The following ELAC2 variants were observed in gnomAD, a reference collection of about 807,000 sequenced individuals.
ELAC2 encodes zinc phosphodiesterase ELAC protein 2.
Under a neutral mutation model 105.2 loss-of-function variants are expected in ELAC2, and 92 were observed. That is an observed-to-expected ratio of 0.87 (90% confidence interval 0.74 to 1.04). ELAC2 has a LOEUF of 1.04. Among genes scored for constraint, ELAC2 ranks in the 50% least tolerant of loss-of-function variants. The probability of loss-of-function intolerance (pLI) is 0.00; values close to 1 mark genes in which losing one functional copy is unlikely to be tolerated. For missense variants in ELAC2, 1,099 were observed against 1,071.7 expected, an observed-to-expected ratio of 1.03 and a Z score of -0.36; for synonymous variants, 468 against 409.1, an observed-to-expected ratio of 1.14 and a Z score of -1.74.
chr17:13,003,532 G>A lies in ELAC2; in HGVS notation c.1026C>T (p.His342=). The A allele has an allele frequency of 1.2e-6, 2 of 1,614,222 alleles. No homozygotes were observed. The highest frequency in any genetic ancestry group is 1.1e-5 in the South Asian group (1 of 91,086). ...CCACAAGCACAGATGCTGGGGCCAT[G>A]TGAACCACCAAGGCCACGGGGGCAT... ...KADAPVALVV[H]MAPASVLVDS... is the part of the protein sequence containing the mutation. Residue 342 remains histidine, a synonymous_variant, in exon 12 of 24, where the codon CAC becomes CAT. Transcript: ENST00000338034.
At chr17:13,012,797 A>G (rs1157614271) in intron 6 of ELAC2, among the ~76,000 whole-genome samples, 1 of 152,152 alleles carries the variant, frequency 6.6e-6, no homozygotes, top group Non-Finnish European at 1.5e-5. Context: ...AATTTGCAGG[A>G]GCTTCTAACC....
chr17:12,996,166 A>G lies in ELAC2; in HGVS notation c.1660-188T>C, dbSNP rs780059156. The G allele has an allele frequency of 1.2e-5, 9 of 731,246 alleles. No individual in the cohort carries two copies. In the African/African-American group the frequency reaches 1.4e-4, roughly 11 times the overall value. The allele number at this position is 731,246 out of a possible 1,614,324, so 45.3% of individuals were successfully genotyped here. ...TGGCCCTGAAATGTCACAGGCAGAA[A>G]GCGACACGACCCGTGCTGGGAAGAG... On this transcript the variant is annotated intron_variant, in intron 17 of 23. Coordinates refer to ENST00000338034, the MANE Select transcript of ELAC2 (RefSeq NM_018127.7).
At position 12,991,641 on chromosome 17, in the gene ELAC2, T is replaced by C. The variant is rs528879491; in HGVS notation, c.*1177A>G. The C allele has an allele frequency of 5.2e-6, 1 of 191,938 alleles. No homozygotes were observed. The highest frequency in any genetic ancestry group is 8.2e-5 in the East Asian group (1 of 12,148). The allele number at this position is 191,938 out of a possible 1,614,324, so 11.9% of individuals were successfully genotyped here. On this transcript the variant is annotated 3_prime_UTR_variant, in exon 24 of 24. Coordinates refer to ENST00000338034, the MANE Select transcript of ELAC2 (RefSeq NM_018127.7). ...GTTATTAAAATAGATTTATTATCCCTGAGCTTGGCATCTGTTCTTGCTTTA... is the reference window on the plus strand; with the variant it reads ...GTTATTAAAATAGATTTATTATCCCCGAGCTTGGCATCTGTTCTTGCTTTA...
chr17:13,002,755 CG>C, intron 12 of ELAC2, 176 bp from the exon 13 acceptor site: 1 of 1,001,998 alleles, frequency 1.0e-6, no homozygotes, highest in South Asian at 1.4e-5. Context: ...TCTCAAAGCC[CG>C]GTGTTCCCTA....
In ELAC2 at chr17:13,013,292, C is replaced by T. The variant is rs752916229; in HGVS notation, c.491-17G>A. 6.2e-7 allele frequency: 1 copy of T among 1,613,700 alleles called. No homozygotes were observed. The highest frequency in any genetic ancestry group is 1.1e-5 in the South Asian group (1 of 90,960). ...GCCGCACAGCTACAAGAAAACCACA[C>T]AACAGCAAAGTGATTGCATTAGTGA... On this transcript the variant is annotated splice_polypyrimidine_tract_variant and intron_variant, in intron 5 of 23. Coordinates refer to ENST00000338034, the MANE Select transcript of ELAC2 (RefSeq NM_018127.7).
In ELAC2 at chr17:13,011,898, T is replaced by C. The variant is rs1598262425; in HGVS notation, c.560-116A>G. ...CCAATTAAATCAGCACACCTTTTACTATACAGTAGGAAATAACTAGTTAGT... is the reference window on the plus strand; with the variant it reads ...CCAATTAAATCAGCACACCTTTTACCATACAGTAGGAAATAACTAGTTAGT... On this transcript the variant is annotated intron_variant, in intron 6 of 23. Transcript: ENST00000338034. 8 of 1,503,164 alleles carry C rather than the reference T, an allele frequency of 5.3e-6. No homozygotes were observed. The South Asian group carries it at 8.1e-5, about 15-fold the overall frequency. The allele number at this position is 1,503,164 out of a possible 1,614,324, so 93.1% of individuals were successfully genotyped here.
rs769647706 is a variant in ELAC2 at position 13,003,550 on chromosome 17, G to A, written c.1008C>T (p.Pro336=). The change falls in exon 12 of 24, where the codon CCC becomes CCT. Residue 336 remains proline (P), a synonymous_variant. Transcript: ENST00000338034. ...GGGCCATGTGAACCACCAAGGCCAC[G>A]GGGGCATCTGCCTTTCCTTGGTACC... The part of the protein sequence containing the change: ...FQRYQGKADA[P]VALVVHMAPA... The A allele has an allele frequency of 1.1e-5, 17 of 1,614,140 alleles. No individual in the cohort carries two copies. The highest frequency in any genetic ancestry group is 1.6e-4 in the Middle Eastern group (1 of 6,062).
At position 12,998,501 on chromosome 17, in the gene ELAC2, T is replaced by A. The variant is rs376799215; in HGVS notation, c.1431A>T (p.Arg477Ser). The change falls in exon 16 of 24, where the codon AGA (arginine) becomes AGT (serine). Residue 477 changes from arginine to serine, a missense_variant. Arg to Ser is a moderately radical substitution (Grantham distance 110). Coordinates refer to ENST00000338034, the MANE Select transcript of ELAC2 (RefSeq NM_018127.7). The stretch of plus-strand genomic sequence containing the variant: ...GGAAGATGATTTCTGGGTACTGACT[T>A]CTTTTCTCTGTGAAAAAATCCATGT... ...AQDGPAPAEK[R>S]SQYPEIIFLG... 1.2e-6 allele frequency: 2 copies of A among 1,614,046 alleles called. No individual in the cohort carries two copies. The highest frequency in any genetic ancestry group is 1.7e-6 in the Non-Finnish European group (2 of 1,179,894).
Position 13,017,884 on chromosome 17 carries a change from T to C in ELAC2, c.64A>G (p.Ile22Val), listed in dbSNP as rs1346975310. 6.5e-7 allele frequency: 1 copy of C among 1,547,020 alleles called. No individual in the cohort carries two copies. The highest frequency in any genetic ancestry group is 8.7e-7 in the Non-Finnish European group (1 of 1,148,242). ...AGRTMSQGRT[I>V]SQAPARRERP... ...TCGCGGCGGGCGGGTGCCTGCGATA[T>C]GGTGCGTCCCTGCGACATGGTGCGT... The change falls in exon 1 of 24, where the codon ATA (isoleucine) becomes GTA (valine). Residue 22 changes from isoleucine (I) to valine (V), a missense_variant. Transcript: ENST00000338034.
rs771658085 is a variant in ELAC2, at chr17:12,993,797, T to C, written c.2143A>G (p.Met715Val). The stretch of plus-strand genomic sequence containing the variant: ...TTCAGCATAATGAACTCCGCGTTCA[T>C]CCGCATCCCCACGCTGATGGCTTGG... The part of the protein sequence containing the change: ...TSQAISVGMR[M>V]NAEFIMLNHF... Residue 715 changes from methionine to valine, a missense_variant, in exon 23 of 24, where the codon ATG (methionine) becomes GTG (valine). Transcript: ENST00000338034. The C allele has an allele frequency of 1.2e-6, 2 of 1,614,140 alleles. No homozygotes were observed. The highest frequency in any genetic ancestry group is 8.5e-7 in the Non-Finnish European group (1 of 1,180,030).
In ELAC2 at chr17:12,994,521, G is replaced by A; in HGVS notation, c.2030-18C>T. ...ATCTTTCCCTGGAGAAGCAGCACAA[G>A]GATCAGGGCAGAGTTCTCTGCGAGA... On this transcript the variant is annotated intron_variant, in intron 21 of 23. Transcript: ENST00000338034. 6.2e-7 allele frequency: 1 copy of A among 1,614,138 alleles called. No individual in the cohort carries two copies. Among genetic ancestry groups the A allele is most frequent in the Non-Finnish European group, 8.5e-7 (1 of 1,179,978 alleles).
In ELAC2 at chr17:12,999,948, C is replaced by T. The variant is rs144188383; in HGVS notation, c.1423+208G>A. On this transcript the variant is annotated intron_variant, in intron 15 of 23. Coordinates refer to ENST00000338034, the MANE Select transcript of ELAC2 (RefSeq NM_018127.7). ...CTGGGATTACAGGTGTGAGCCACCG[C>T]GCCCAGCCAGGAATTGGGATTCTTA... Among the ~76,000 whole-genome samples, 582 of 152,302 alleles carry T rather than the reference C, an allele frequency of 3.8e-3. 4 individuals carry two copies. Among genetic ancestry groups the T allele is most frequent in the African/African-American group, 0.013 (543 of 41,566 alleles).
intron 14 of ELAC2, 27 bp from the exon 15 acceptor site, chr17:13,000,301 G>A (rs769488454): frequency 6.2e-7 from 1 of 1,605,428 alleles, no homozygotes; most frequent in Non-Finnish European, 8.5e-7. Context: ...AAGCATCTCA[G>A]GTGACGGACA....
At chr17:12,996,016 C>A in intron 17 of ELAC2, 38 bp from the exon 18 acceptor site, 1 of 1,571,602 alleles carries the variant, frequency 6.4e-7, no homozygotes. Context: ...AGCCAGGCCC[C>A]AGGGCCATCC....
At chr17:13,016,184 C>T (rs1024184411) in intron 3 of ELAC2, among the ~76,000 whole-genome samples, 7 of 152,224 alleles carry the variant, frequency 4.6e-5, no homozygotes, top group Non-Finnish European at 1.0e-4. Context: ...CCTTCCGGTC[C>T]ATGCCACCAA....
In ELAC2 at chr17:13,000,264, T is replaced by G; in HGVS notation, c.1315A>C (p.Ile439Leu). 2 of 1,613,992 alleles carry G rather than the reference T, an allele frequency of 1.2e-6. No individual in the cohort carries two copies. The highest frequency in any genetic ancestry group is 1.7e-6 in the Non-Finnish European group (2 of 1,179,998). The change falls in exon 15 of 24, where the codon ATT (isoleucine) becomes CTT (leucine). Residue 439 changes from isoleucine (I) to leucine (L), a missense_variant. Coordinates refer to ENST00000338034, the MANE Select transcript of ELAC2 (RefSeq NM_018127.7). ...ATGAATTCCTCAGGATTGCAAGTAA[T>G]AATGGCATCCCTGCAGGAAGAGAGA... ...PRREWQRDAI[I>L]TCNPEEFIVE...
At chr17:12,995,529 T>C (rs996189883) in intron 19 of ELAC2, among the ~76,000 whole-genome samples, 174 bp downstream of exon 19, 3 of 152,258 alleles carry the variant, frequency 2.0e-5, no homozygotes, top group Admixed American at 6.5e-5. Context: ...GGGAACTATC[T>C]AATGGTTTCT....
chr17:13,006,109 G>A lies in ELAC2; in HGVS notation c.739-130C>T, dbSNP rs559946697. ...ATGTTGGCCAGGCACGGTGGCTCAC[G>A]CCTGTAATTCCAGTACTTTCGGAGG... is the stretch of plus-strand genomic sequence containing the variant. On this transcript the variant is annotated intron_variant, in intron 8 of 23. Transcript: ENST00000338034. The A allele has an allele frequency of 4.7e-4, 443 of 945,922 alleles. 3 individuals are homozygous for A. The highest frequency in any genetic ancestry group is 1.3e-3 in the South Asian group (97 of 73,376). 58.6% of individuals were successfully genotyped at this position (945,922 alleles called of 1,614,324 possible).
At position 12,996,598 on chromosome 17, in the gene ELAC2, C is replaced by T. The variant is rs773774169; in HGVS notation, c.1608G>A (p.Leu536=). Residue 536 remains leucine, a synonymous_variant, in exon 17 of 24, where the codon CTG becomes CTA. Coordinates refer to ENST00000338034, the MANE Select transcript of ELAC2 (RefSeq NM_018127.7). The part of the protein sequence containing the change: ...RHYGDQVDRV[L]GTLAAVFVSH... ...ACACAAACACAGCAGCCAGGGTGCC[C>T]AGGACCCTGTCCACCTGGTCTCCGT... 5.3e-5 allele frequency: 85 copies of T among 1,613,944 alleles called. No homozygotes were observed. The highest frequency in any genetic ancestry group is 1.6e-4 in the Middle Eastern group (1 of 6,084).
Sources: allele counts gnomAD v4.1 joint callset (sites outside exome capture counted in the v4.1 genomes callset), GRCh38; gene constraint gnomAD v4.1.1; transcripts MANE v1.5; gene names NCBI Gene and HGNC (gene_info 2026-07-23, HGNC 2026-07-21).